GATAD2B: variants seen among roughly 807,000 people sequenced by gnomAD.
GATAD2B encodes the protein transcriptional repressor p66-beta.
In GATAD2B, 8 loss-of-function variants were observed where a neutral mutation model predicts 64.3. The observed-to-expected ratio is 0.12, with a 90% CI of 0.07 to 0.22. GATAD2B has a LOEUF of 0.22. Ranked by LOEUF, GATAD2B falls within the 10% of genes least tolerant of loss-of-function variation. GATAD2B has a pLI of 1.00. For missense variants in GATAD2B, 453 were observed against 752.0 expected (o/e 0.60, Z 4.65); for synonymous variants, 281 against 271.3 (o/e 1.04, Z -0.35).
chr1:153,852,731 T>A, intron 1 of GATAD2B: 1 of 935,018 alleles, frequency 1.1e-6, no homozygotes, highest in South Asian at 1.3e-5. Context: ...TGAAGCTTGG[T>A]AGACAGGGAG....
intron 1 of GATAD2B, among the ~76,000 whole-genome samples, chr1:153,908,781 GGAAAAAAA>G (rs1485706020): frequency 1.2e-3 from 34 of 29,200 alleles, no homozygotes; most frequent in Admixed American, 7.1e-3. Flanking sequence ...AAACATACTT[GGAAAAAAA>G]AAAAAAAAAA....
intron 1 of GATAD2B, among the ~76,000 whole-genome samples, chr1:153,890,172 CA>C (rs564018508): frequency 0.011 from 751 of 66,420 alleles, 7 homozygotes; most frequent in South Asian, 0.099. Context: ...AACTCTGTTT[CA>C]AAAAAAAAAA....
chr1:153,855,676 TTTATA>T (rs779423684), intron 1 of GATAD2B, among the ~76,000 whole-genome samples: 19 of 152,032 alleles, frequency 1.2e-4, no homozygotes, highest in Admixed American at 2.6e-4. Flanking sequence ...TCCTACTTAT[TTTATA>T]TATTTTTTTT....
rs11264420 is a variant in GATAD2B, at chr1:153,812,190, C to CT, written c.1420-59dup. 0.2 allele frequency: 118,698 copies of CT among 598,100 alleles called. 5,335 individuals carry two copies. Among genetic ancestry groups the CT allele is most frequent in the Admixed American group, 0.28 (9,139 of 32,854 alleles). 37.0% of individuals were successfully genotyped at this position (598,100 alleles called of 1,614,324 possible). ...AGGACAGCACCCAATACCCAATTTC[C>CT]TTTTTTTTTTTTTTTTTTAAACAGA... On this transcript the variant is annotated intron_variant, in intron 8 of 10. Coordinates refer to ENST00000368655, the MANE Select transcript of GATAD2B (RefSeq NM_020699.4).
intron 1 of GATAD2B, among the ~76,000 whole-genome samples, chr1:153,911,093 G>A (rs1204046645): frequency 6.6e-6 from 1 of 152,142 alleles, no homozygotes; most frequent in Non-Finnish European, 1.5e-5. Context: ...CTGGAACACA[G>A]ATGTTCCAGG....
chr1:153,825,048 A>G lies in GATAD2B; in HGVS notation c.335+2965T>C, dbSNP rs888857530. 3.9e-5 allele frequency among the ~76,000 whole-genome samples: 6 copies of G among 152,310 alleles called. 1 individual carries two copies. Among genetic ancestry groups the G allele is most frequent in the Middle Eastern group, 3.4e-3 (1 of 294 alleles). On this transcript the variant is annotated intron_variant, in intron 2 of 10. Transcript: ENST00000368655. Reference sequence around the variant, plus strand: ...TTGCAGTGAACGGACATCATGCCACACTGCACTCCAGCCAGGGCAACAGAG... The same window carrying G: ...TTGCAGTGAACGGACATCATGCCACGCTGCACTCCAGCCAGGGCAACAGAG...
At chr1:153,882,163 T>TC (rs1285916505) in intron 1 of GATAD2B, among the ~76,000 whole-genome samples, 1 of 152,086 alleles carries the variant, frequency 6.6e-6, no homozygotes, top group East Asian at 1.9e-4. Context: ...ACCCTAACTA[T>TC]CCCCCCATCA....
chr1:153,818,272 G>T, intron 4 of GATAD2B, 101 bp from the exon 5 acceptor site: 6 of 945,332 alleles, frequency 6.3e-6, no homozygotes, highest in Non-Finnish European at 7.6e-6. Flanking sequence ...TGAGGTTCTT[G>T]TCAATCAGGA....
intron 1 of GATAD2B, among the ~76,000 whole-genome samples, chr1:153,833,365 A>G (rs1335623968): frequency 1.3e-5 from 2 of 152,232 alleles, no homozygotes; most frequent in Non-Finnish European, 2.9e-5. Flanking sequence ...CAGAAAAAAG[A>G]TCCCTTTCAA....
chr1:153,842,240 CAT>C (rs1417004266), intron 1 of GATAD2B, among the ~76,000 whole-genome samples: 1 of 152,154 alleles, frequency 6.6e-6, no homozygotes, highest in Non-Finnish European at 1.5e-5. Context: ...GTTCTTTTTA[CAT>C]GTTTATTTGC....
At position 153,818,137 on chromosome 1, in the gene GATAD2B, T is replaced by C. The variant is rs773246932; in HGVS notation, c.632A>G (p.Gln211Arg). ...PVVQNAASIV[Q>R]PSPAHVGQQG... is the part of the protein sequence containing the mutation. ...CTGTCCCACATGGGCAGGAGATGGC[T>C]GAACAATAGATGCTGCATTCTGTAC... The change falls in exon 5 of 11, where the codon CAG becomes CGG. Residue 211 changes from glutamine to arginine, a missense_variant. This residue lies in a region of GATAD2B where 293 missense variants were observed against 417.2 expected (regional missense o/e 0.70). Coordinates refer to ENST00000368655, the MANE Select transcript of GATAD2B (RefSeq NM_020699.4). The C allele has an allele frequency of 3.1e-6, 5 of 1,612,926 alleles. No homozygotes were observed. The highest frequency in any genetic ancestry group is 4.2e-6 in the Non-Finnish European group (5 of 1,179,400).
intron 1 of GATAD2B, among the ~76,000 whole-genome samples, chr1:153,889,485 A>G (rs2101947746): frequency 1.3e-5 from 2 of 150,930 alleles, no homozygotes; most frequent in East Asian, 3.9e-4. Context: ...CACTCTGGGC[A>G]GGCAAGTTCA....
intron 1 of GATAD2B, among the ~76,000 whole-genome samples, chr1:153,892,903 C>CA (rs1199554296): frequency 1.9e-4 from 29 of 152,086 alleles, no homozygotes; most frequent in African/African-American, 6.3e-4. Context: ...CAATGTTGGC[C>CA]AAGCTGATCT....
At chr1:153,882,522 G>A (rs914736912) in intron 1 of GATAD2B, among the ~76,000 whole-genome samples, 1 of 152,108 alleles carries the variant, frequency 6.6e-6, no homozygotes, top group Admixed American at 6.6e-5. Context: ...GCATAGCAAG[G>A]TTTCACAGCA....
chr1:153,835,882 C>T (rs1268347761), intron 1 of GATAD2B, among the ~76,000 whole-genome samples: 3 of 151,944 alleles, frequency 2.0e-5, no homozygotes, highest in Non-Finnish European at 2.9e-5. Context: ...ACCACCATGC[C>T]CAGCTACTTT....
intron 1 of GATAD2B, among the ~76,000 whole-genome samples, chr1:153,856,457 A>G (rs1676084430): frequency 6.6e-6 from 1 of 152,230 alleles, no homozygotes. Flanking sequence ...CAAAATATTC[A>G]CTGCTGAACA....
intron 1 of GATAD2B, among the ~76,000 whole-genome samples, chr1:153,886,802 G>A (rs938267281): frequency 6.6e-5 from 10 of 151,370 alleles, no homozygotes; most frequent in Middle Eastern, 6.8e-3. Context: ...CTCATGATCC[G>A]CCCACCTCAG....
In GATAD2B at chr1:153,916,837, C is replaced by T. The variant is rs936368001; in HGVS notation, c.-2+5896G>A. On this transcript the variant is annotated intron_variant, in intron 1 of 10. Transcript: ENST00000368655. Reference sequence around the variant, plus strand: ...TATTTATTTATTTTTGAGAGAGAGTCTCACTCTGTTGACCAGGCTAGAGCA... The same window carrying T: ...TATTTATTTATTTTTGAGAGAGAGTTTCACTCTGTTGACCAGGCTAGAGCA... Among the ~76,000 whole-genome samples, 6 of 152,228 alleles carry T rather than the reference C, an allele frequency of 3.9e-5. No homozygotes were observed. The South Asian group carries it at 1.2e-3, about 32-fold the overall frequency.
intron 1 of GATAD2B, among the ~76,000 whole-genome samples, chr1:153,899,898 T>C (rs549160169): frequency 6.6e-6 from 1 of 152,214 alleles, no homozygotes; most frequent in Non-Finnish European, 1.5e-5. Flanking sequence ...ATTACACTTC[T>C]AGAACTTTTA....
Sources: allele counts gnomAD v4.1 joint callset (sites outside exome capture counted in the v4.1 genomes callset), GRCh38; gene constraint gnomAD v4.1.1; regional missense constraint gnomAD v4.1.1; transcripts MANE v1.5; gene names NCBI Gene and HGNC (gene_info 2026-07-23, HGNC 2026-07-21).